BAZ2B: variants seen among roughly 807,000 people sequenced by gnomAD.
The protein encoded by BAZ2B is bromodomain adjacent to zinc finger domain protein 2B.
In BAZ2B, 91 loss-of-function variants were observed where a neutral mutation model predicts 246.0. The observed-to-expected ratio is 0.37, with a 90% CI of 0.31 to 0.44. The LOEUF (loss-of-function observed/expected upper bound fraction) is 0.44. Among genes scored for constraint, BAZ2B ranks in the 20% least tolerant of loss-of-function variants. BAZ2B has a pLI of 1.00. For synonymous variants in BAZ2B, 855 were observed against 860.0 expected, an observed-to-expected ratio of 0.99 and a Z score of 0.10; for missense variants, 2,332 against 2,533.7, an observed-to-expected ratio of 0.92 and a Z score of 1.71.
At chr2:159,527,337 T>C (rs577571518) in intron 2 of BAZ2B, among the ~76,000 whole-genome samples, 110 of 152,326 alleles carry the variant, frequency 7.2e-4, no homozygotes, top group Non-Finnish European at 5.9e-5. Context: ...AGTTTTTATA[T>C]ATCCTAGATA....
Position 159,349,871 on chromosome 2 carries a change from G to T in BAZ2B, c.4700C>A (p.Pro1567His). 6.2e-7 allele frequency: 1 copy of T among 1,614,146 alleles called. No homozygotes were observed. The highest frequency in any genetic ancestry group is 1.3e-5 in the African/African-American group (1 of 75,020). ...RQWFSLLPRT[P>H]CDDTSLTHAD... ...ATGAGTAAGTGAAGTGTCATCACAG[G>T]GTGTTCGTGGCAAAAGACTAAACCA... Residue 1567 changes from proline to histidine, a missense_variant, in exon 28 of 37, where the codon CCC becomes CAC. Pro to His is a moderately conservative substitution (Grantham distance 77). Coordinates refer to ENST00000392783, the MANE Select transcript of BAZ2B (RefSeq NM_013450.4).
At chr2:159,321,047 C>T (rs1303193779) in intron 36 of BAZ2B, among the ~76,000 whole-genome samples, 2 of 152,176 alleles carry the variant, frequency 1.3e-5, no homozygotes, top group African/African-American at 2.4e-5. Context: ...GTCTGTCTTT[C>T]AACAAGAAGC....
At chr2:159,438,848 G>C (rs564922045) in intron 7 of BAZ2B, 153 bp from the exon 8 acceptor site, 1 of 1,206,136 alleles carries the variant, frequency 8.3e-7, no homozygotes, top group Non-Finnish European at 1.1e-6. Flanking sequence ...AAGAAATACC[G>C]TATGTCCCTT....
intron 3 of BAZ2B, chr2:159,464,564 C>A (rs932339449): frequency 2.0e-5 from 3 of 152,280 alleles, no homozygotes; most frequent in Admixed American, 2.0e-4. Context: ...TGTAAAACTA[C>A]CATTTTCTCT....
chr2:159,325,957 T>C, intron 34 of BAZ2B, 39 bp from the exon 35 acceptor site: 1 of 1,505,536 alleles, frequency 6.6e-7, no homozygotes, highest in Non-Finnish European at 9.0e-7. Context: ...TGTAAGAAAG[T>C]GACTGTCTAC....
intron 31 of BAZ2B, among the ~76,000 whole-genome samples, chr2:159,342,897 T>C (rs190764097): frequency 4.9e-4 from 74 of 152,284 alleles, no homozygotes; most frequent in Admixed American, 2.4e-3. Context: ...ATGATATTCT[T>C]CACAGAAATA....
intron 2 of BAZ2B, among the ~76,000 whole-genome samples, chr2:159,508,925 C>T (rs1048550227): frequency 6.6e-6 from 1 of 151,998 alleles, no homozygotes; most frequent in Admixed American, 6.6e-5. Context: ...TCAAAGTTTC[C>T]CTGTTTTAAT....
chr2:159,337,310 C>CA (rs1055459253), intron 32 of BAZ2B, among the ~76,000 whole-genome samples: 3 of 151,108 alleles, frequency 2.0e-5, no homozygotes, highest in Admixed American at 6.6e-5. Flanking sequence ...ACGCACATAA[C>CA]AAAAAAAAAG....
intron 30 of BAZ2B, among the ~76,000 whole-genome samples, chr2:159,347,972 A>G (rs949749024): frequency 6.6e-6 from 1 of 152,000 alleles, no homozygotes; most frequent in Non-Finnish European, 1.5e-5. Flanking sequence ...TGGTTCTAGG[A>G]CCCCCTCTGC....
the BAZ2B span, among the ~76,000 whole-genome samples, chr2:159,648,655 G>A: frequency 4.0e-3 from 606 of 152,016 alleles, 1 homozygote; most frequent in African/African-American, 0.014. Context: ...TAAATTGTTC[G>A]TTCTCTTTTA....
the BAZ2B span, among the ~76,000 whole-genome samples, chr2:159,638,714 GA>G: frequency 1.3e-5 from 2 of 150,750 alleles, no homozygotes; most frequent in East Asian, 3.9e-4. Context: ...GGAGACAAAA[GA>G]AAAAAAATAA....
At chr2:159,581,297 T>C (rs1686717389) in intron 1 of BAZ2B, among the ~76,000 whole-genome samples, 1 of 152,126 alleles carries the variant, frequency 6.6e-6, no homozygotes, top group Non-Finnish European at 1.5e-5. Flanking sequence ...AAGACATTTA[T>C]GCAGCCAACA....
At chr2:159,645,638 C>T in the BAZ2B span, among the ~76,000 whole-genome samples, 10 of 152,148 alleles carry the variant, frequency 6.6e-5, no homozygotes, top group East Asian at 1.9e-4. Context: ...TCCTAATTAT[C>T]GGGAAATCTG....
Position 159,428,013 on chromosome 2 carries a change from G to T in BAZ2B, c.2394C>A (p.Ile798=). Residue 798 remains isoleucine (I), a synonymous_variant, in exon 13 of 37, where the codon ATC becomes ATA. Transcript: ENST00000392783. ...KYLSRNGIMD[I]SRDNFSFSAK... Reference sequence around the variant, plus strand: ...CACTGAAGCTGAAATTGTCCCTTGAGATATCCATTATTCCATTTCTGCTGA... The same window carrying T: ...CACTGAAGCTGAAATTGTCCCTTGATATATCCATTATTCCATTTCTGCTGA... 4 of 1,613,388 alleles carry T rather than the reference G, an allele frequency of 2.5e-6. No homozygotes were observed. The highest frequency in any genetic ancestry group is 3.4e-6 in the Non-Finnish European group (4 of 1,179,478).
rs1216392527 is a variant in BAZ2B at position 159,426,201 on chromosome 2, G to A, written c.2466+1740C>T. ...ACACTGATTATATTTAATAAAAAGTGAATGCATGTCAAGGAACATTCTACT... is the reference window on the plus strand; with the variant it reads ...ACACTGATTATATTTAATAAAAAGTAAATGCATGTCAAGGAACATTCTACT... On this transcript the variant is annotated intron_variant, in intron 13 of 36. Coordinates refer to ENST00000392783, the MANE Select transcript of BAZ2B (RefSeq NM_013450.4). Among the ~76,000 whole-genome samples the A allele has an allele frequency of 3.3e-5, 5 of 152,264 alleles. No homozygotes were observed. The East Asian group carries it at 9.6e-4, about 29-fold the overall frequency.
At chr2:159,509,934 T>C (rs564855418) in intron 2 of BAZ2B, among the ~76,000 whole-genome samples, 2 of 152,150 alleles carry the variant, frequency 1.3e-5, no homozygotes, top group South Asian at 4.1e-4. Flanking sequence ...TGTATGTATA[T>C]ATGTACACAT....
intron 2 of BAZ2B, among the ~76,000 whole-genome samples, chr2:159,545,689 T>A (rs186822073): frequency 6.6e-6 from 1 of 152,256 alleles, no homozygotes; most frequent in East Asian, 1.9e-4. Context: ...ACTGCAAGGA[T>A]GAATAAAATA....
At chr2:159,494,840 G>C (rs1319667155) in intron 2 of BAZ2B, among the ~76,000 whole-genome samples, 1 of 152,132 alleles carries the variant, frequency 6.6e-6, no homozygotes, top group Non-Finnish European at 1.5e-5. Flanking sequence ...TAGGCGCTCA[G>C]GATATAATGA....
chr2:159,432,762 T>A lies in BAZ2B; in HGVS notation c.1895A>T (p.Gln632Leu). 6.2e-7 allele frequency: 1 copy of A among 1,609,666 alleles called. No individual in the cohort carries two copies. Among genetic ancestry groups the A allele is most frequent in the Non-Finnish European group, 8.5e-7 (1 of 1,176,604 alleles). Residue 632 changes from glutamine (Q) to leucine (L), a missense_variant, in exon 9 of 37, where the codon CAA becomes CTA. By Grantham distance (113) the Gln-to-Leu change is moderately radical. Coordinates refer to ENST00000392783, the MANE Select transcript of BAZ2B (RefSeq NM_013450.4). ...DDEDDESDDS[Q>L]SESDSNSESD... is the part of the protein sequence containing the mutation. ...AATTTTAAAATGAAAATAACCTGAT[T>A]GGCTGTCATCAGATTCATCATCTTC...
Sources: gnomAD v4.1 joint callset for allele counts (sites outside exome capture counted in the v4.1 genomes callset) on GRCh38, gnomAD v4.1.1 for gene constraint, MANE v1.5 for transcripts, NCBI Gene and HGNC (gene_info 2026-07-23, HGNC 2026-07-21) for gene names.